Variants in LRFN2 observed in about 807,000 individuals in gnomAD.
The protein encoded by LRFN2 is leucine rich repeat and fibronectin type III domain containing 2, also known as leucine-rich repeat and fibronectin type-III domain-containing protein 2.
LRFN2 carries 18 observed loss-of-function variants against 37.3 expected under a neutral mutation model. The observed-to-expected ratio is 0.48, with a 90% CI of 0.33 to 0.72. The LOEUF (loss-of-function observed/expected upper bound fraction) is 0.72. Among genes scored for constraint, LRFN2 ranks in the 30% least tolerant of loss-of-function variants. The pLI is 0.02. For missense variants in LRFN2, 1,006 were observed against 1,060.7 expected, an observed-to-expected ratio of 0.95 and a Z score of 0.72; for synonymous variants, 556 against 466.6, an observed-to-expected ratio of 1.19 and a Z score of -2.47.
At chr6:40,512,681 C>A (rs1179814821) in intron 1 of LRFN2, among the ~76,000 whole-genome samples, 3 of 152,148 alleles carry the variant, frequency 2.0e-5, no homozygotes, top group African/African-American at 7.2e-5. Flanking sequence ...CTCCTGGGGG[C>A]CCACCACAAT....
intron 1 of LRFN2, among the ~76,000 whole-genome samples, chr6:40,530,637 C>T (rs1391350116): frequency 2.6e-5 from 4 of 151,936 alleles, no homozygotes; most frequent in African/African-American, 9.7e-5. Flanking sequence ...CTCCCCAGGA[C>T]CCGTCACCCC....
chr6:40,573,705 C>T (rs1581801142), intron 1 of LRFN2, among the ~76,000 whole-genome samples: 1 of 152,194 alleles, frequency 6.6e-6, no homozygotes, highest in East Asian at 1.9e-4. Context: ...TGGCTGGGCA[C>T]AGTGGCTCAC....
chr6:40,484,178 A>G (rs1331947230), intron 1 of LRFN2, among the ~76,000 whole-genome samples: 5 of 152,198 alleles, frequency 3.3e-5, no homozygotes, highest in Non-Finnish European at 4.4e-5. Context: ...TAAAGGAAAT[A>G]GTTTCATTCC....
chr6:40,509,208 C>A (rs951097564), intron 1 of LRFN2, among the ~76,000 whole-genome samples: 4 of 152,250 alleles, frequency 2.6e-5, no homozygotes, highest in Admixed American at 2.6e-4. Context: ...TCTGATAGAA[C>A]CTCTCACTTG....
chr6:40,519,654 C>G (rs1017017622), intron 1 of LRFN2, among the ~76,000 whole-genome samples: 4 of 152,216 alleles, frequency 2.6e-5, no homozygotes, highest in African/African-American at 4.8e-5. Flanking sequence ...CCAGTCAAAC[C>G]AGGCTCAGCA....
At chr6:40,406,969 C>T (rs1407226351) in intron 2 of LRFN2, among the ~76,000 whole-genome samples, 3 of 152,172 alleles carry the variant, frequency 2.0e-5, no homozygotes, top group African/African-American at 7.2e-5. Flanking sequence ...TCAGACATCA[C>T]ACTTGTGGAC....
chr6:40,571,982 AG>A (rs1159880885), intron 1 of LRFN2, among the ~76,000 whole-genome samples: 2 of 152,108 alleles, frequency 1.3e-5, no homozygotes, highest in South Asian at 2.1e-4. Context: ...TCTCCAAAAC[AG>A]GGGGGGCTCC....
intron 2 of LRFN2, among the ~76,000 whole-genome samples, chr6:40,419,693 T>C (rs190486816): frequency 4.3e-4 from 65 of 152,240 alleles, no homozygotes; most frequent in African/African-American, 1.3e-3. Context: ...TCTGTCTTCA[T>C]TGGTTTCACC....
At chr6:40,586,135 T>C (rs1260404773) in intron 1 of LRFN2, among the ~76,000 whole-genome samples, 1 of 152,146 alleles carries the variant, frequency 6.6e-6, no homozygotes, top group Non-Finnish European at 1.5e-5. Context: ...ACCGGGCTGA[T>C]GGGAAGACGA....
intron 1 of LRFN2, among the ~76,000 whole-genome samples, chr6:40,544,667 A>C (rs1167628749): frequency 6.6e-6 from 1 of 152,230 alleles, no homozygotes; most frequent in African/African-American, 2.4e-5. Flanking sequence ...TCACACGGAG[A>C]ATCAGCAGCA....
intron 1 of LRFN2, among the ~76,000 whole-genome samples, chr6:40,466,257 G>A (rs954509641): frequency 6.6e-6 from 1 of 152,210 alleles, no homozygotes; most frequent in Non-Finnish European, 1.5e-5. Context: ...GGAGCAGGCA[G>A]CAAGGATAAA....
intron 2 of LRFN2, among the ~76,000 whole-genome samples, chr6:40,395,722 C>T (rs1762601657): frequency 1.3e-5 from 2 of 152,250 alleles, no homozygotes. Flanking sequence ...CAGCTGCCAT[C>T]ATAATCCAGA....
chr6:40,427,088 G>A (rs1443704431), intron 2 of LRFN2, among the ~76,000 whole-genome samples: 2 of 152,184 alleles, frequency 1.3e-5, no homozygotes, highest in Admixed American at 1.3e-4. Context: ...AATTGCAATT[G>A]ATTCCTTGAA....
intron 1 of LRFN2, among the ~76,000 whole-genome samples, chr6:40,507,781 C>G (rs999362778): frequency 6.6e-6 from 1 of 152,186 alleles, no homozygotes; most frequent in Non-Finnish European, 1.5e-5. Flanking sequence ...AAACGACCTA[C>G]TCACAAAATA....
chr6:40,457,234 C>T (rs1160215312), intron 1 of LRFN2, among the ~76,000 whole-genome samples: 1 of 151,972 alleles, frequency 6.6e-6, no homozygotes, highest in Non-Finnish European at 1.5e-5. Context: ...GAGTTTTTTC[C>T]TTAGAGTCCT....
At chr6:40,571,460 C>T (rs542767205) in intron 1 of LRFN2, among the ~76,000 whole-genome samples, 60 of 152,316 alleles carry the variant, frequency 3.9e-4, no homozygotes, top group Non-Finnish European at 5.7e-4. Flanking sequence ...CTGCAGACAA[C>T]TTGCAGCAGC....
rs76567758 is a variant in LRFN2, at chr6:40,558,416, T to C, written c.-19+28525A>G. ...CTGTTAAGAACCTGTCCCTCCATTTTGAGTCCCCAGCGTTAGAAAGATGGA... is the reference window on the plus strand; with the variant it reads ...CTGTTAAGAACCTGTCCCTCCATTTCGAGTCCCCAGCGTTAGAAAGATGGA... On this transcript the variant is annotated intron_variant, in intron 1 of 2. Transcript: ENST00000338305. 8.5e-3 allele frequency among the ~76,000 whole-genome samples: 1,300 copies of C among 152,324 alleles called. 6 individuals are homozygous for C. Among genetic ancestry groups the C allele is most frequent in the South Asian group, 0.018 (86 of 4,826 alleles).
At chr6:40,476,180 AG>A (rs1764705749) in intron 1 of LRFN2, among the ~76,000 whole-genome samples, 1 of 152,152 alleles carries the variant, frequency 6.6e-6, no homozygotes, top group African/African-American at 2.4e-5. Context: ...ATCCACACTC[AG>A]GGCCATGCCA....
In LRFN2 at chr6:40,435,014, CATATATATAT is replaced by C. The variant is rs368583078; in HGVS notation, c.-18-1893_-18-1884del. ...ATCCCTTTCTTGAGCAATGGTTTTA[CATATATATAT>C]ATATATATATATATATATATATATA... On this transcript the variant is annotated intron_variant, in intron 1 of 2. Coordinates refer to ENST00000338305, the MANE Select transcript of LRFN2 (RefSeq NM_020737.3). 9.7e-3 allele frequency among the ~76,000 whole-genome samples: 464 copies of C among 47,972 alleles called. 9 individuals are homozygous for C. The highest frequency in any genetic ancestry group is 0.05 in the Admixed American group (151 of 3,004). The allele number at this position is 47,972 out of a possible 152,430, so 31.5% of individuals were successfully genotyped here. A position where few individuals can be genotyped will look rare whatever the true frequency, so the allele number is the denominator to read the frequency against.
Sources: allele counts gnomAD v4.1 joint callset (sites outside exome capture counted in the v4.1 genomes callset), GRCh38; gene constraint gnomAD v4.1.1; transcripts MANE v1.5; gene names NCBI Gene and HGNC (gene_info 2026-07-23, HGNC 2026-07-21).